The following SOX5 variants were observed in gnomAD, a reference collection of about 807,000 sequenced individuals.
SOX5 encodes transcription factor SOX-5.
Under a neutral mutation model 92.0 loss-of-function variants are expected in SOX5, and 9 were observed. That is an observed-to-expected ratio of 0.10 (90% CI 0.06 to 0.17). The LOEUF is 0.17. Among genes scored for constraint, SOX5 ranks in the 10% least tolerant of loss-of-function variants. SOX5 has a pLI of 1.00. For missense variants in SOX5, 642 were observed against 944.5 expected (o/e 0.68, Z 4.20); for synonymous variants, 344 against 336.3 (o/e 1.02, Z -0.25).
chr12:23,549,420 T>C (rs1322963060), intron 11 of SOX5, among the ~76,000 whole-genome samples: 1 of 151,230 alleles, frequency 6.6e-6, no homozygotes, highest in Non-Finnish European at 1.5e-5. Flanking sequence ...TACTCAAGAG[T>C]TTCTGCAGAA....
At chr12:24,266,923 C>T (rs1005465094) in intron 3 of SOX5, among the ~76,000 whole-genome samples, 1 of 152,224 alleles carries the variant, frequency 6.6e-6, no homozygotes, top group African/African-American at 2.4e-5. Context: ...CAACCCTCCT[C>T]CTACTTCTAT....
At chr12:24,409,417 A>G (rs191052212) in intron 1 of SOX5, among the ~76,000 whole-genome samples, 79 of 152,320 alleles carry the variant, frequency 5.2e-4, no homozygotes, top group African/African-American at 1.9e-3. Context: ...TACCTATGTA[A>G]CAAACCTGCA....
intron 6 of SOX5, among the ~76,000 whole-genome samples, chr12:23,715,522 T>C (rs1387606976): frequency 6.6e-6 from 1 of 152,122 alleles, no homozygotes; most frequent in Admixed American, 6.5e-5. Context: ...TAAAAGTTCA[T>C]ACAGAAATTA....
intron 2 of SOX5, among the ~76,000 whole-genome samples, chr12:23,860,154 C>T (rs964150066): frequency 2.0e-5 from 3 of 151,848 alleles, no homozygotes; most frequent in East Asian, 1.9e-4. Context: ...TGGGGGGAAA[C>T]GGTGGGAGGA....
intron 2 of SOX5, 138 bp downstream of exon 2, chr12:23,895,655 C>A (rs898509600): frequency 6.2e-6 from 4 of 646,856 alleles, no homozygotes. Context: ...TTAAAGAATT[C>A]TAAGACGCCA....
At chr12:23,542,881 C>G (rs1277549969) in intron 13 of SOX5, among the ~76,000 whole-genome samples, 1 of 152,106 alleles carries the variant, frequency 6.6e-6, no homozygotes, top group African/African-American at 2.4e-5. Flanking sequence ...GAAATGAATA[C>G]AAATGATCAG....
chr12:23,692,840 G>A (rs2089126370), intron 6 of SOX5, among the ~76,000 whole-genome samples: 1 of 152,124 alleles, frequency 6.6e-6, no homozygotes, highest in Admixed American at 6.5e-5. Flanking sequence ...CATATAATCT[G>A]AGGATATTTT....
intron 1 of SOX5, among the ~76,000 whole-genome samples, chr12:24,506,966 A>C (rs1441878803): frequency 6.6e-6 from 1 of 151,126 alleles, no homozygotes; most frequent in Non-Finnish European, 1.5e-5. Context: ...AATTTTTTGT[A>C]TTTTTAGTAG....
intron 4 of SOX5, among the ~76,000 whole-genome samples, chr12:24,041,065 CA>C (rs1002566037): frequency 4.6e-5 from 7 of 152,038 alleles, no homozygotes; most frequent in Non-Finnish European, 1.0e-4. Flanking sequence ...TACCAATAAT[CA>C]AAAATACTAT....
chr12:24,165,359 T>G (rs968838058), intron 4 of SOX5, among the ~76,000 whole-genome samples: 1 of 152,164 alleles, frequency 6.6e-6, no homozygotes, highest in African/African-American at 2.4e-5. Flanking sequence ...TTATTTGCAT[T>G]TATGAATCCC....
chr12:24,345,686 T>G (rs1175702045), intron 2 of SOX5, among the ~76,000 whole-genome samples: 1 of 152,208 alleles, frequency 6.6e-6, no homozygotes, highest in East Asian at 1.9e-4. Context: ...TGATTGCACT[T>G]AAGCATTCAT....
intron 3 of SOX5, among the ~76,000 whole-genome samples, chr12:24,270,786 C>T (rs1406170164): frequency 6.6e-6 from 1 of 152,166 alleles, no homozygotes; most frequent in East Asian, 1.9e-4. Context: ...TTTAGTTGGC[C>T]TAGAATCATC....
chr12:24,233,935 AAACG>A (rs1362059481), intron 3 of SOX5, among the ~76,000 whole-genome samples: 1 of 152,222 alleles, frequency 6.6e-6, no homozygotes, highest in African/African-American at 2.4e-5. Context: ...TCAAAATAAT[AAACG>A]AAAGGCACAA....
At chr12:24,320,687 A>G (rs1950124873) in intron 2 of SOX5, among the ~76,000 whole-genome samples, 1 of 152,016 alleles carries the variant, frequency 6.6e-6, no homozygotes, top group Non-Finnish European at 1.5e-5. Context: ...AACACAGTGA[A>G]ACCTCGTCTC....
chr12:23,673,081 A>C (rs2085059408), intron 6 of SOX5, among the ~76,000 whole-genome samples: 1 of 152,222 alleles, frequency 6.6e-6, no homozygotes, highest in Non-Finnish European at 1.5e-5. Context: ...TAGAAACTTA[A>C]GGGTTGCAAA....
Position 24,161,619 on chromosome 12 carries a change from A to G in SOX5, c.-2+51724T>C, listed in dbSNP as rs567298344. On this transcript the variant is annotated intron_variant, in intron 4 of 4. Coordinates refer to the SOX5 transcript ENST00000446891. ...GAGGTTCAAGTGGTTGGATACACCC[A>G]ATAGAATCAAATGTTGCAAAGAGGA... Among the ~76,000 whole-genome samples the G allele has an allele frequency of 2.6e-5, 4 of 152,252 alleles. No individual in the cohort carries two copies. The South Asian group carries it at 8.3e-4, about 32-fold the overall frequency.
At chr12:24,439,317 C>G (rs772215735) in intron 1 of SOX5, among the ~76,000 whole-genome samples, 2 of 152,146 alleles carry the variant, frequency 1.3e-5, no homozygotes, top group African/African-American at 2.4e-5. Flanking sequence ...ATCTGTGTGA[C>G]CTGATTGATT....
chr12:23,615,370 CA>C (rs1466674968), intron 8 of SOX5, among the ~76,000 whole-genome samples: 2 of 151,726 alleles, frequency 1.3e-5, no homozygotes, highest in African/African-American at 4.8e-5. Flanking sequence ...ATTTTAGGTC[CA>C]GGGGTACATG....
chr12:24,329,081 T>C (rs978399841), intron 2 of SOX5, among the ~76,000 whole-genome samples: 1 of 152,218 alleles, frequency 6.6e-6, no homozygotes, highest in Non-Finnish European at 1.5e-5. Context: ...CATGTGCTTA[T>C]AGGTCATATA....
Sources: allele counts gnomAD v4.1 joint callset (sites outside exome capture counted in the v4.1 genomes callset), GRCh38; gene constraint gnomAD v4.1.1; transcripts MANE v1.5; gene names NCBI Gene and HGNC (gene_info 2026-07-23, HGNC 2026-07-21).